Variants in SLC2A9 observed in about 807,000 individuals in gnomAD.
SLC2A9 encodes the protein solute carrier family 2, facilitated glucose transporter member 9.
In SLC2A9, 39 loss-of-function variants were observed where a neutral mutation model predicts 50.6. That is an observed-to-expected ratio of 0.77 (90% CI 0.60 to 1.01). The LOEUF (loss-of-function observed/expected upper bound fraction) is 1.01. Ranked by LOEUF, SLC2A9 falls within the 50% of genes least tolerant of loss-of-function variation. SLC2A9 has a pLI of 0.00. For missense variants in SLC2A9, 686 were observed against 677.6 expected (o/e 1.01, Z -0.14); for synonymous variants, 324 against 276.9 (o/e 1.17, Z -1.69).
At chr4:9,882,623 G>A (rs1434919857) in intron 10 of SLC2A9, among the ~76,000 whole-genome samples, 1 of 151,622 alleles carries the variant, frequency 6.6e-6, no homozygotes, top group East Asian at 1.9e-4. Context: ...GCAGGAGAAT[G>A]GCGTGAACCC....
intron 3 of SLC2A9, among the ~76,000 whole-genome samples, chr4:9,813,001 A>G (rs533398129): frequency 7.8e-4 from 119 of 152,316 alleles, no homozygotes; most frequent in African/African-American, 2.5e-3. Context: ...CCTGTCACTC[A>G]GTGTGACCTC....
At chr4:10,036,661 G>C (rs1764114885) in intron 1 of SLC2A9, among the ~76,000 whole-genome samples, 1 of 152,136 alleles carries the variant, frequency 6.6e-6, no homozygotes, top group Non-Finnish European at 1.5e-5. Context: ...TCGGTCATTT[G>C]GGTTTTCTCC....
At chr4:9,885,396 G>T (rs1328065968) in intron 10 of SLC2A9, among the ~76,000 whole-genome samples, 1 of 152,174 alleles carries the variant, frequency 6.6e-6, no homozygotes, top group African/African-American at 2.4e-5. Flanking sequence ...CAATTGGCTA[G>T]TGCCACCTTC....
chr4:9,966,810 T>C (rs917249552), intron 5 of SLC2A9, among the ~76,000 whole-genome samples: 1 of 134,726 alleles, frequency 7.4e-6, no homozygotes, highest in African/African-American at 3.0e-5. Flanking sequence ...TCCCATTTTT[T>C]CCTAAGCTAT....
At chr4:9,982,467 CTA>C (rs34430411) in intron 4 of SLC2A9, among the ~76,000 whole-genome samples, 29,731 of 152,086 alleles carry the variant, frequency 0.2, 3,120 homozygotes, top group African/African-American at 0.22. Context: ...GACATTTGTT[CTA>C]TCTCTGTGGT....
intron 5 of SLC2A9, among the ~76,000 whole-genome samples, chr4:9,942,442 A>G (rs1748338539): frequency 6.6e-6 from 1 of 152,134 alleles, no homozygotes; most frequent in African/African-American, 2.4e-5. Context: ...TGGAGCCTGC[A>G]TGTGGAGGTG....
intron 7 of SLC2A9, among the ~76,000 whole-genome samples, chr4:9,910,562 T>A (rs1741548618): frequency 6.6e-6 from 1 of 152,204 alleles, no homozygotes; most frequent in Admixed American, 6.5e-5. Flanking sequence ...CTGTCACCCA[T>A]GTGAAGGTGT....
In SLC2A9 at chr4:9,853,177, A is replaced by G. The variant is rs75955503; in HGVS notation, c.1292-18169T>C. On this transcript the variant is annotated intron_variant, in intron 10 of 11. Transcript: ENST00000264784. ...GGCAACAGAGTGAAACTCCCTCTCA[A>G]AAAAAAAAAAAAAAAAGGCACAGAG... is the stretch of plus-strand genomic sequence containing the variant. 5.8e-3 allele frequency among the ~76,000 whole-genome samples: 801 copies of G among 138,596 alleles called. 22 individuals carry two copies. In the East Asian group the frequency reaches 0.098, roughly 17 times the overall value. 90.9% of individuals were successfully genotyped at this position (138,596 alleles called of 152,430 possible).
At chr4:9,863,903 A>C (rs1342168115) in intron 10 of SLC2A9, among the ~76,000 whole-genome samples, 1 of 152,116 alleles carries the variant, frequency 6.6e-6, no homozygotes, top group Non-Finnish European at 1.5e-5. Context: ...TATTCACTGT[A>C]AGTTTCCTCC....
intron 5 of SLC2A9, among the ~76,000 whole-genome samples, chr4:9,959,034 G>A (rs926772210): frequency 6.6e-6 from 1 of 152,058 alleles, no homozygotes; most frequent in African/African-American, 2.4e-5. Context: ...GTTAACCAGT[G>A]AACTAATAAA....
chr4:9,842,789 CTTG>C (rs1221197102), intron 10 of SLC2A9, among the ~76,000 whole-genome samples: 3 of 152,156 alleles, frequency 2.0e-5, no homozygotes, highest in Non-Finnish European at 4.4e-5. Flanking sequence ...GTCCACTCAT[CTTG>C]TTATCTTATT....
chr4:10,025,967 G>C (rs749651433), upstream of SLC2A9: 6 of 1,613,838 alleles, frequency 3.7e-6, no homozygotes, highest in Admixed American at 5.0e-5. Context: ...TGAGCTTCAT[G>C]GTTCACTTTT....
chr4:9,981,069 GTGA>G (rs201378720), intron 4 of SLC2A9, among the ~76,000 whole-genome samples: 3 of 151,654 alleles, frequency 2.0e-5, no homozygotes, highest in East Asian at 3.9e-4. Flanking sequence ...GGTCATGATG[GTGA>G]TGATGATGGT....
chr4:9,838,324 C>T (rs185629831), intron 10 of SLC2A9, among the ~76,000 whole-genome samples: 83 of 152,202 alleles, frequency 5.5e-4, no homozygotes, highest in Non-Finnish European at 9.9e-4. Flanking sequence ...AAGGTCTCTA[C>T]AAGGAGAACT....
intron 10 of SLC2A9, among the ~76,000 whole-genome samples, chr4:9,838,709 C>A (rs901006902): frequency 2.0e-5 from 3 of 152,160 alleles, no homozygotes; most frequent in African/African-American, 7.2e-5. Flanking sequence ...TGTGCACCTA[C>A]AACTATCTGA....
chr4:9,928,810 A>T (rs112757806), intron 6 of SLC2A9, among the ~76,000 whole-genome samples: 4 of 152,362 alleles, frequency 2.6e-5, no homozygotes, highest in African/African-American at 7.2e-5. Context: ...CAAGCAGTTT[A>T]AAAAACTTTC....
upstream of SLC2A9, chr4:10,025,870 C>T: frequency 1.2e-6 from 2 of 1,601,558 alleles, no homozygotes; most frequent in Non-Finnish European, 1.7e-6. Context: ...CCGGAATAAT[C>T]ATGTAAGGGA....
chr4:9,908,095 G>A, intron 8 of SLC2A9, 140 bp downstream of exon 8: 1 of 709,750 alleles, frequency 1.4e-6, no homozygotes, highest in Non-Finnish European at 2.6e-6. Flanking sequence ...CCAAGAGTTT[G>A]CTGAATGATA....
At chr4:9,800,907 G>C (rs1443962290) in intron 3 of SLC2A9, among the ~76,000 whole-genome samples, 1 of 152,124 alleles carries the variant, frequency 6.6e-6, no homozygotes, top group Admixed American at 6.5e-5. Context: ...AGGGACAACT[G>C]TATTTTGTTC....
Sources: gnomAD v4.1 joint callset for allele counts (sites outside exome capture counted in the v4.1 genomes callset) on GRCh38, gnomAD v4.1.1 for gene constraint, MANE v1.5 for transcripts, NCBI Gene and HGNC (gene_info 2026-07-23, HGNC 2026-07-21) for gene names.